ACOXL: variants seen among roughly 807,000 people sequenced by gnomAD.
The protein encoded by ACOXL is acyl-coenzyme A oxidase-like protein.
ACOXL carries 70 observed loss-of-function variants against 71.9 expected under a neutral mutation model. That is an observed-to-expected ratio of 0.97 (90% CI 0.80 to 1.19). The LOEUF (loss-of-function observed/expected upper bound fraction) is 1.19. Among genes scored for constraint, ACOXL ranks in the 50% most tolerant of loss-of-function variants. The probability of loss-of-function intolerance (pLI) is 0.00; values close to 1 mark genes in which losing one functional copy is unlikely to be tolerated. For missense variants in ACOXL, 703 were observed against 736.3 expected (o/e 0.95, Z 0.52); for synonymous variants, 253 against 281.6 (o/e 0.90, Z 1.02).
At chr2:111,060,275 T>G (rs1032330459) in intron 16 of ACOXL, among the ~76,000 whole-genome samples, 2 of 152,022 alleles carry the variant, frequency 1.3e-5, no homozygotes, top group African/African-American at 4.8e-5. Context: ...TGCGGTGGTG[T>G]CAGAGAAGGC....
chr2:110,793,699 G>A lies in ACOXL; in HGVS notation c.209G>A (p.Ser70Asn), dbSNP rs1272614117. The A allele has an allele frequency of 2.5e-6, 4 of 1,614,056 alleles. No homozygotes were observed. Among genetic ancestry groups the A allele is most frequent in the Admixed American group, 1.7e-5 (1 of 60,010 alleles). ...LFGGAIRNLG[S>N]PEHVTKWFQP... is the part of the protein sequence containing the mutation. ...GGTGGTGCTATCAGGAATCTCGGAA[G>A]CCCTGAACATGTTACTAAGTGGTTT... The change falls in exon 4 of 18, where the codon AGC becomes AAC. Residue 70 changes from serine (S) to asparagine (N), a missense_variant. Transcript: ENST00000439055.
chr2:111,062,222 C>T (rs937601435), intron 16 of ACOXL, among the ~76,000 whole-genome samples: 4 of 151,834 alleles, frequency 2.6e-5, no homozygotes, highest in Non-Finnish European at 5.9e-5. Context: ...ATAATTGAGA[C>T]ATAGAAAGAC....
intron 15 of ACOXL, among the ~76,000 whole-genome samples, chr2:111,038,859 A>C (rs569891504): frequency 1.3e-5 from 2 of 152,358 alleles, no homozygotes; most frequent in African/African-American, 4.8e-5. Context: ...CTTTGAGCTC[A>C]CATGAGCCAC....
At chr2:110,928,089 C>G (rs2060346127) in intron 11 of ACOXL, among the ~76,000 whole-genome samples, 1 of 152,236 alleles carries the variant, frequency 6.6e-6, no homozygotes, top group Admixed American at 6.5e-5. Flanking sequence ...GGATGCATCT[C>G]AGGCAAGGAG....
At chr2:111,018,742 A>G (rs1439385035) in intron 14 of ACOXL, among the ~76,000 whole-genome samples, 2 of 151,854 alleles carry the variant, frequency 1.3e-5, no homozygotes, top group Non-Finnish European at 2.9e-5. Flanking sequence ...GGACGCTGTG[A>G]TGGGGAGCGA....
At chr2:110,972,671 ACACAC>A (rs1429080763) in intron 12 of ACOXL, among the ~76,000 whole-genome samples, 42 of 152,116 alleles carry the variant, frequency 2.8e-4, no homozygotes, top group Admixed American at 5.9e-4. Context: ...ACACACACAC[ACACAC>A]AAAATTCAAG....
chr2:110,896,694 G>A (rs2059022419), intron 10 of ACOXL, among the ~76,000 whole-genome samples: 1 of 152,190 alleles, frequency 6.6e-6, no homozygotes, highest in Non-Finnish European at 1.5e-5. Context: ...AATCTTAAAT[G>A]TCTATGTAAA....
At chr2:110,832,607 C>T (rs78778421) in intron 9 of ACOXL, among the ~76,000 whole-genome samples, 3,566 of 151,814 alleles carry the variant, frequency 0.023, 53 homozygotes, top group Middle Eastern at 0.066. Context: ...TACTCTTTCC[C>T]TCTGTGAATA....
chr2:111,084,767 C>T (rs1333764013), intron 16 of ACOXL, among the ~76,000 whole-genome samples: 1 of 152,014 alleles, frequency 6.6e-6, no homozygotes, highest in Non-Finnish European at 1.5e-5. Flanking sequence ...TTAAAAGGCA[C>T]AGAGTGGCCA....
intron 11 of ACOXL, among the ~76,000 whole-genome samples, chr2:110,926,034 A>G (rs2060256441): frequency 6.6e-6 from 1 of 152,060 alleles, no homozygotes; most frequent in Admixed American, 6.6e-5. Context: ...ATGGCAGGTC[A>G]GTGGAGCAGT....
intron 16 of ACOXL, among the ~76,000 whole-genome samples, chr2:111,060,529 C>T (rs1302129780): frequency 6.6e-6 from 1 of 152,174 alleles, no homozygotes; most frequent in African/African-American, 2.4e-5. Context: ...TGCAGCATCA[C>T]AGGATGTTAC....
chr2:110,900,757 G>A (rs1490250043), intron 10 of ACOXL, among the ~76,000 whole-genome samples: 1 of 152,224 alleles, frequency 6.6e-6, no homozygotes, highest in Non-Finnish European at 1.5e-5. Flanking sequence ...TTGAACCATA[G>A]CGTGATGGGT....
chr2:110,995,965 G>A lies in ACOXL; in HGVS notation c.1242G>A (p.Arg414=), dbSNP rs199696162. 1.9e-6 allele frequency: 3 copies of A among 1,613,894 alleles called. No individual in the cohort carries two copies. Among genetic ancestry groups the A allele is most frequent in the African/African-American group, 2.7e-5 (2 of 74,918 alleles). Residue 414 remains arginine (R), a synonymous_variant, in exon 14 of 18, where the codon AGG becomes AGA. Transcript: ENST00000439055. The part of the protein sequence containing the change: ...FLLKAVKFRE[R]VLQRGLVARI... ...TGAAAGCAGTGAAATTTCGTGAAAGGGTTCTTCAGCGGGGTTTGGTGGCCA... is the reference window on the plus strand; with the variant it reads ...TGAAAGCAGTGAAATTTCGTGAAAGAGTTCTTCAGCGGGGTTTGGTGGCCA...
intron 10 of ACOXL, among the ~76,000 whole-genome samples, chr2:110,870,730 T>A (rs1025395779): frequency 1.3e-5 from 2 of 152,154 alleles, no homozygotes; most frequent in East Asian, 3.9e-4. Context: ...GACTCTGAAA[T>A]TTTTCTAGAT....
chr2:110,973,118 C>T (rs2149493331), intron 12 of ACOXL, among the ~76,000 whole-genome samples: 1 of 152,318 alleles, frequency 6.6e-6, no homozygotes, highest in Admixed American at 6.5e-5. Flanking sequence ...AGCATATGCC[C>T]ATCCTGATTG....
chr2:111,090,636 G>T (rs1197908023), intron 16 of ACOXL, among the ~76,000 whole-genome samples: 3 of 152,230 alleles, frequency 2.0e-5, no homozygotes, highest in Non-Finnish European at 4.4e-5. Context: ...GACATAGTCA[G>T]GATGCATGGT....
In ACOXL at chr2:110,858,352, C is replaced by T. The variant is rs539862728; in HGVS notation, c.788+16947C>T. Among the ~76,000 whole-genome samples the T allele has an allele frequency of 1.4e-4, 22 of 152,276 alleles. No individual in the cohort carries two copies. In the East Asian group the frequency reaches 3.3e-3, roughly 23 times the overall value. ...GGAACAGGGGATCCTTCCTACTCCC[C>T]GAGACAGACGTGGAGCTGAGTGGAA... On this transcript the variant is annotated intron_variant, in intron 10 of 17. Transcript: ENST00000439055.
intron 10 of ACOXL, among the ~76,000 whole-genome samples, chr2:110,890,508 A>C (rs1234744070): frequency 6.6e-6 from 1 of 152,198 alleles, no homozygotes; most frequent in Non-Finnish European, 1.5e-5. Flanking sequence ...GGAAGGGCTC[A>C]AACTTCTTTC....
intron 12 of ACOXL, among the ~76,000 whole-genome samples, chr2:110,986,229 TAAC>T (rs2062926428): frequency 6.6e-6 from 1 of 152,182 alleles, no homozygotes; most frequent in Admixed American, 6.5e-5. Context: ...AAAGCAAACA[TAAC>T]ATTTTATATA....
Sources: gnomAD v4.1 joint callset for allele counts (sites outside exome capture counted in the v4.1 genomes callset) on GRCh38, gnomAD v4.1.1 for gene constraint, MANE v1.5 for transcripts, NCBI Gene and HGNC (gene_info 2026-07-23, HGNC 2026-07-21) for gene names.